Variants in CHN2 observed in about 807,000 individuals in gnomAD.
CHN2 encodes the protein chimerin 2.
Under a neutral mutation model 56.3 loss-of-function variants are expected in CHN2, and 35 were observed. That is an observed-to-expected ratio of 0.62 (90% CI 0.47 to 0.82). The LOEUF (loss-of-function observed/expected upper bound fraction) is 0.82. Among genes scored for constraint, CHN2 ranks in the 40% least tolerant of loss-of-function variants. CHN2 has a pLI of 0.00. For synonymous variants in CHN2, 210 were observed against 212.8 expected (o/e 0.99, Z 0.12); for missense variants, 491 against 580.5 (o/e 0.85, Z 1.58).
At chr7:29,505,338 A>G (rs532187307) in intron 10 of CHN2, among the ~76,000 whole-genome samples, 8 of 152,190 alleles carry the variant, frequency 5.3e-5, no homozygotes, top group Non-Finnish European at 1.0e-4. Context: ...AAGCCCAAGA[A>G]TCTGTATTTT....
At chr7:29,334,064 T>A (rs1562525283) in intron 1 of CHN2, among the ~76,000 whole-genome samples, 1 of 149,502 alleles carries the variant, frequency 6.7e-6, no homozygotes, top group Admixed American at 6.7e-5. Flanking sequence ...TTTTTTTTTT[T>A]TTTTTGAGAC....
chr7:29,494,569 T>C (rs1003211775), intron 7 of CHN2, among the ~76,000 whole-genome samples: 4 of 152,174 alleles, frequency 2.6e-5, no homozygotes, highest in Non-Finnish European at 4.4e-5. Context: ...TGCTTTGTCA[T>C]TTCTTAGGGT....
At chr7:29,467,541 G>A (rs571269552) in intron 6 of CHN2, among the ~76,000 whole-genome samples, 41 of 152,302 alleles carry the variant, frequency 2.7e-4, no homozygotes, top group Admixed American at 1.4e-3. Flanking sequence ...GCAGACACAC[G>A]CATTTATCCA....
At chr7:29,301,121 C>A (rs1391136966) in intron 1 of CHN2, among the ~76,000 whole-genome samples, 3 of 152,028 alleles carry the variant, frequency 2.0e-5, no homozygotes, top group Non-Finnish European at 4.4e-5. Context: ...AACACAGAGT[C>A]CAGAAAGTCC....
intron 2 of CHN2, among the ~76,000 whole-genome samples, chr7:29,177,727 C>T (rs1427365757): frequency 6.6e-6 from 1 of 151,974 alleles, no homozygotes; most frequent in African/African-American, 2.4e-5. Flanking sequence ...TCCACTTTAC[C>T]AGCTATACCC....
chr7:29,282,748 G>A (rs73076407), intron 1 of CHN2, among the ~76,000 whole-genome samples: 1 of 152,318 alleles, frequency 6.6e-6, no homozygotes, highest in Non-Finnish European at 1.5e-5. Flanking sequence ...TTAAGAGCCT[G>A]TGAGCAGTTT....
At chr7:29,489,601 A>G (rs1788425093) in intron 7 of CHN2, among the ~76,000 whole-genome samples, 2 of 152,226 alleles carry the variant, frequency 1.3e-5, no homozygotes, top group Admixed American at 1.3e-4. Context: ...GTGAAAATAA[A>G]CAATGGCCCA....
At chr7:29,500,175 A>ACT (rs1250071079) in intron 9 of CHN2, 135 bp downstream of exon 9, 30 of 527,958 alleles carry the variant, frequency 5.7e-5, no homozygotes, top group Admixed American at 3.9e-4. Flanking sequence ...GCACACACAC[A>ACT]CTCTCTCTCT....
intron 6 of CHN2, among the ~76,000 whole-genome samples, chr7:29,403,658 G>A (rs1802408135): frequency 1.3e-5 from 2 of 151,384 alleles, no homozygotes; most frequent in South Asian, 4.2e-4. Flanking sequence ...TGGAGAGGCA[G>A]GGAGGAAGGC....
At chr7:29,273,551 C>G (rs1330892651) in intron 1 of CHN2, among the ~76,000 whole-genome samples, 1 of 151,362 alleles carries the variant, frequency 6.6e-6, no homozygotes, top group African/African-American at 2.4e-5. Flanking sequence ...AGAGGGATCA[C>G]TGGGTCCTAT....
intron 6 of CHN2, among the ~76,000 whole-genome samples, chr7:29,475,794 G>A (rs1786543389): frequency 6.6e-6 from 1 of 152,188 alleles, no homozygotes; most frequent in African/African-American, 2.4e-5. Flanking sequence ...CCCATATATT[G>A]TACGATTCCC....
At chr7:29,222,471 G>T (rs905057447) in intron 1 of CHN2, among the ~76,000 whole-genome samples, 3 of 114,394 alleles carry the variant, frequency 2.6e-5, no homozygotes, top group Non-Finnish European at 5.6e-5. Flanking sequence ...ATACTACAAG[G>T]CTACAGTAAC....
chr7:29,195,342 A>C lies in CHN2; in HGVS notation c.49+352A>C, dbSNP rs1783550614. 1.8e-5 allele frequency: 5 copies of C among 274,652 alleles called. 1 individual carries two copies. In the South Asian group the frequency reaches 4.3e-4, roughly 24 times the overall value. The allele number at this position is 274,652 out of a possible 1,614,324, so 17.0% of individuals were successfully genotyped here. A position where few individuals can be genotyped will look rare whatever the true frequency, so the allele number is the denominator to read the frequency against. On this transcript the variant is annotated intron_variant, in intron 1 of 12. Transcript: ENST00000222792. Reference sequence around the variant, plus strand: ...GGCGGGGCGGAGAAGGTTGGGGTGAAGCAGAGCGCCCCGACCTGTTTGCCG... The same window carrying C: ...GGCGGGGCGGAGAAGGTTGGGGTGACGCAGAGCGCCCCGACCTGTTTGCCG...
intron 5 of CHN2, 64 bp downstream of exon 5, chr7:29,398,550 T>G (rs1585261704): frequency 9.9e-7 from 1 of 1,015,066 alleles, no homozygotes; most frequent in South Asian, 1.3e-5. Flanking sequence ...GTTTGCCCAT[T>G]TTTAAGAATT....
chr7:29,218,312 A>G (rs1385998091), intron 1 of CHN2, among the ~76,000 whole-genome samples: 8 of 152,100 alleles, frequency 5.3e-5, no homozygotes, highest in African/African-American at 1.4e-4. Context: ...GGAATCATAC[A>G]ATATCTGTGT....
At chr7:29,350,582 A>C (rs556824099) in intron 1 of CHN2, among the ~76,000 whole-genome samples, 2 of 152,144 alleles carry the variant, frequency 1.3e-5, no homozygotes, top group African/African-American at 4.8e-5. Context: ...AAAACCTTCC[A>C]TGACAACAGC....
chr7:29,417,333 CTT>C (rs5883209), intron 6 of CHN2, among the ~76,000 whole-genome samples: 1,272 of 121,090 alleles, frequency 0.011, 20 homozygotes, highest in African/African-American at 0.029. Flanking sequence ...TACTGTAACC[CTT>C]TTTTTTTTTT....
At chr7:29,497,291 T>G (rs1475535190) in intron 8 of CHN2, among the ~76,000 whole-genome samples, 1 of 152,212 alleles carries the variant, frequency 6.6e-6, no homozygotes, top group Non-Finnish European at 1.5e-5. Context: ...TCTGAATTAC[T>G]CAGTGGTCAT....
intron 3 of CHN2, among the ~76,000 whole-genome samples, chr7:29,371,585 G>A (rs912301551): frequency 6.6e-6 from 1 of 152,112 alleles, no homozygotes; most frequent in Non-Finnish European, 1.5e-5. Flanking sequence ...GTCACAAACT[G>A]TGTGGAATGT....
Sources: gnomAD v4.1 joint callset for allele counts (sites outside exome capture counted in the v4.1 genomes callset) on GRCh38, gnomAD v4.1.1 for gene constraint, MANE v1.5 for transcripts, NCBI Gene and HGNC (gene_info 2026-07-23, HGNC 2026-07-21) for gene names.